The following NBEA variants were observed in gnomAD, a reference collection of about 807,000 sequenced individuals.
NBEA encodes lysosomal-trafficking regulator 2.
Under a neutral mutation model 343.4 loss-of-function variants are expected in NBEA, and 44 were observed. That is an observed-to-expected ratio of 0.13 (90% confidence interval 0.10 to 0.16). The LOEUF is 0.16. Among genes scored for constraint, NBEA ranks in the 10% least tolerant of loss-of-function variants. The pLI is 1.00. For missense variants in NBEA, 2,555 were observed against 3,631.3 expected (o/e 0.70, Z 7.62); for synonymous variants, 1,175 against 1,238.7 (o/e 0.95, Z 1.08).
At chr13:35,473,106 T>A (rs1027171142) in intron 41 of NBEA, among the ~76,000 whole-genome samples, 1 of 152,208 alleles carries the variant, frequency 6.6e-6, no homozygotes, top group African/African-American at 2.4e-5. Flanking sequence ...TGTTTAAATA[T>A]TGTATTCTTT....
intron 38 of NBEA, among the ~76,000 whole-genome samples, chr13:35,390,909 T>C (rs1289316681): frequency 1.3e-5 from 2 of 152,150 alleles, no homozygotes; most frequent in African/African-American, 4.8e-5. Context: ...AAATGCCTGA[T>C]TGAAGAGGAG....
intron 1 of NBEA, among the ~76,000 whole-genome samples, chr13:35,013,288 CTAGAAACT>C (rs1163184959): frequency 6.6e-6 from 1 of 152,068 alleles, no homozygotes; most frequent in Non-Finnish European, 1.5e-5. Context: ...GCCCCCACCC[CTAGAAACT>C]TACTGTTTTC....
chr13:35,389,014 TTTC>T (rs2152897964), intron 38 of NBEA, among the ~76,000 whole-genome samples: 1 of 150,650 alleles, frequency 6.6e-6, no homozygotes, highest in Non-Finnish European at 1.5e-5. Flanking sequence ...GTCTGGCGGG[TTTC>T]TTTTTTTTTT....
chr13:35,113,584 CTCA>C (rs925444185), intron 13 of NBEA, among the ~76,000 whole-genome samples: 57 of 101,540 alleles, frequency 5.6e-4, no homozygotes, highest in Admixed American at 2.1e-3. Flanking sequence ...TACTCCTCCA[CTCA>C]TCTATCTATC....
intron 1 of NBEA, among the ~76,000 whole-genome samples, chr13:34,981,672 A>G (rs183143671): frequency 2.0e-5 from 3 of 149,980 alleles, no homozygotes; most frequent in African/African-American, 4.9e-5. Context: ...GGTTTTGTCT[A>G]TGAATGATTT....
intron 1 of NBEA, among the ~76,000 whole-genome samples, chr13:34,996,415 C>A (rs1039889698): frequency 2.0e-5 from 3 of 151,872 alleles, no homozygotes; most frequent in Non-Finnish European, 2.9e-5. Flanking sequence ...TGATTGAATG[C>A]TAATATCTGA....
intron 38 of NBEA, among the ~76,000 whole-genome samples, chr13:35,425,449 G>GTA (rs2044598047): frequency 6.6e-6 from 1 of 152,138 alleles, no homozygotes; most frequent in Non-Finnish European, 1.5e-5. Context: ...CCATGTAGTT[G>GTA]AGCGGTTTTG....
At chr13:35,041,200 T>A in intron 2 of NBEA, 36 bp downstream of exon 2, 2 of 1,521,140 alleles carry the variant, frequency 1.3e-6, no homozygotes, top group Non-Finnish European at 1.8e-6. Context: ...ATAACTTAAA[T>A]GTTTATAAAG....
intron 1 of NBEA, among the ~76,000 whole-genome samples, chr13:34,961,726 T>G (rs1262303824): frequency 6.6e-6 from 1 of 151,970 alleles, no homozygotes; most frequent in Non-Finnish European, 1.5e-5. Flanking sequence ...AGAAATCAAT[T>G]AGGGTATTGT....
At chr13:34,956,944 C>T (rs1404467167) in intron 1 of NBEA, among the ~76,000 whole-genome samples, 1 of 152,044 alleles carries the variant, frequency 6.6e-6, no homozygotes, top group Non-Finnish European at 1.5e-5. Context: ...AGCCACTGCA[C>T]CCAGCCAAAA....
intron 41 of NBEA, among the ~76,000 whole-genome samples, chr13:35,481,124 C>T (rs1468584588): frequency 1.3e-5 from 2 of 151,956 alleles, no homozygotes; most frequent in African/African-American, 4.8e-5. Context: ...CAGTTTTCTT[C>T]ATCACCCTAG....
At chr13:35,121,311 T>G (rs1241850236) in intron 16 of NBEA, among the ~76,000 whole-genome samples, 1 of 152,104 alleles carries the variant, frequency 6.6e-6, no homozygotes, top group Admixed American at 6.5e-5. Context: ...TTCACCATGT[T>G]GCCCAGGCTG....
intron 34 of NBEA, among the ~76,000 whole-genome samples, chr13:35,279,617 TACAG>T (rs1456727855): frequency 2.0e-5 from 3 of 152,198 alleles, no homozygotes; most frequent in African/African-American, 7.2e-5. Context: ...TTAGAAAGTA[TACAG>T]ACAGAGTTTT....
At chr13:35,444,087 A>G (rs2045873292) in intron 39 of NBEA, among the ~76,000 whole-genome samples, 1 of 151,966 alleles carries the variant, frequency 6.6e-6, no homozygotes, top group Non-Finnish European at 1.5e-5. Context: ...TTTATCTCAC[A>G]GATACACTAA....
chr13:35,569,806 T>C (rs945252687), intron 45 of NBEA, among the ~76,000 whole-genome samples: 10 of 152,164 alleles, frequency 6.6e-5, no homozygotes, highest in Non-Finnish European at 1.2e-4. Flanking sequence ...ACTAAGACAT[T>C]TGGACTCAAA....
intron 9 of NBEA, 92 bp downstream of exon 9, chr13:35,070,197 T>C (rs1240841397): frequency 1.2e-5 from 15 of 1,259,538 alleles, no homozygotes; most frequent in Middle Eastern, 2.9e-4. Flanking sequence ...TATAAATCTA[T>C]GATTTTTTTG....
intron 18 of NBEA, among the ~76,000 whole-genome samples, chr13:35,149,863 A>G (rs1019386258): frequency 2.0e-5 from 3 of 152,220 alleles, no homozygotes; most frequent in Non-Finnish European, 4.4e-5. Flanking sequence ...AATTTCATAT[A>G]CATGTATACA....
chr13:35,105,790 A>G (rs1593360737), intron 11 of NBEA, among the ~76,000 whole-genome samples: 1 of 152,012 alleles, frequency 6.6e-6, no homozygotes, highest in South Asian at 2.1e-4. Context: ...AGCAGAATGG[A>G]TAATAGACTA....
rs78193169 is a variant in NBEA at position 35,554,424 on chromosome 13, C to G, written c.6807-563C>G. 7.8e-3 allele frequency among the ~76,000 whole-genome samples: 1,192 copies of G among 152,278 alleles called. 31 individuals carry two copies. Among genetic ancestry groups the G allele is most frequent in the Admixed American group, 0.056 (850 of 15,286 alleles). ...TGGACCAATGATCATGGTTTATTCCCTTAGGCTGTTCCTATGTCCCTTCTT... is the reference window on the plus strand; with the variant it reads ...TGGACCAATGATCATGGTTTATTCCGTTAGGCTGTTCCTATGTCCCTTCTT... On this transcript the variant is annotated intron_variant, in intron 43 of 58. Transcript: ENST00000379939.
Sources: gnomAD v4.1 joint callset for allele counts (sites outside exome capture counted in the v4.1 genomes callset) on GRCh38, gnomAD v4.1.1 for gene constraint, MANE v1.5 for transcripts, NCBI Gene and HGNC (gene_info 2026-07-23, HGNC 2026-07-21) for gene names.